MMP11: variants seen among roughly 807,000 people sequenced by gnomAD.
The protein encoded by MMP11 is stromelysin-3.
MMP11 carries 26 observed loss-of-function variants against 49.5 expected under a neutral mutation model. The observed-to-expected ratio is 0.52, with a 90% CI of 0.38 to 0.73. The LOEUF is 0.73. Ranked by LOEUF, MMP11 falls within the 30% of genes least tolerant of loss-of-function variation. The pLI is 0.00. For missense variants in MMP11, 624 were observed against 671.2 expected, an observed-to-expected ratio of 0.93 and a Z score of 0.78; for synonymous variants, 265 against 282.3, an observed-to-expected ratio of 0.94 and a Z score of 0.62.
Position 23,782,496 on chromosome 22 carries a change from T to C in MMP11, c.1333+13T>C, listed in dbSNP as rs754267422. ...CAGGATGCTGATGGTGCGTTGGGGG[T>C]GAGGCAGCTGGTGGGAGGTGGGCAC... is the stretch of plus-strand genomic sequence containing the variant. On this transcript the variant is annotated intron_variant, in intron 7 of 7. Transcript: ENST00000215743. 3 of 1,595,748 alleles carry C rather than the reference T, an allele frequency of 1.9e-6. No homozygotes were observed. In the African/African-American group the frequency reaches 4.0e-5, roughly 21 times the overall value.
Position 23,780,309 on chromosome 22 carries a change from A to G in MMP11, c.339-50A>G. The G allele has an allele frequency of 1.9e-6, 3 of 1,610,794 alleles. No homozygotes were observed. The highest frequency in any genetic ancestry group is 2.5e-6 in the Non-Finnish European group (3 of 1,179,398). ...AGGGGCAACTCCTGGTGCCTCAGCC[A>G]TCGGGGGCTGTCCCTTCCCTGAGGC... On this transcript the variant is annotated intron_variant, in intron 2 of 7. Transcript: ENST00000215743. The surrounding 1 kb of genome is among the most constrained non-coding windows in gnomAD (Gnocchi z 4.6).
At chr22:23,774,328 G>A (rs1306419925) in intron 1 of MMP11, among the ~76,000 whole-genome samples, 1 of 152,188 alleles carries the variant, frequency 6.6e-6, no homozygotes, top group East Asian at 1.9e-4. Context: ...CAGTGCTGGA[G>A]CTGGGGGCCA....
chr22:23,775,228 G>A (rs1454446719), intron 1 of MMP11, among the ~76,000 whole-genome samples: 1 of 152,242 alleles, frequency 6.6e-6, no homozygotes, highest in Non-Finnish European at 1.5e-5. Context: ...CCCGGGCAAA[G>A]TCCTTGAGCT....
At chr22:23,775,760 T>C (rs997377438) in intron 1 of MMP11, among the ~76,000 whole-genome samples, 1 of 152,160 alleles carries the variant, frequency 6.6e-6, no homozygotes, top group Non-Finnish European at 1.5e-5. Context: ...AGCCTGAAGA[T>C]TTTGTTGGGT....
rs28382575 is a variant in MMP11, at chr22:23,783,502, T to C, written c.1425T>C (p.Pro475=). 0.012 allele frequency: 20,177 copies of C among 1,614,212 alleles called. 645 individuals carry two copies. Among genetic ancestry groups the C allele is most frequent in the South Asian group, 0.098 (8,916 of 91,084 alleles). Residue 475 remains proline, a synonymous_variant, in exon 8 of 8, where the codon CCT becomes CCC. Coordinates refer to ENST00000215743, the MANE Select transcript of MMP11 (RefSeq NM_005940.5). ...AAGGCTTCCCCCGTCTCGTGGGTCCTGACTTCTTTGGCTGTGCCGAGCCTG... is the reference window on the plus strand; with the variant it reads ...AAGGCTTCCCCCGTCTCGTGGGTCCCGACTTCTTTGGCTGTGCCGAGCCTG... ...ALEGFPRLVG[P]DFFGCAEPAN...
rs1321164850 is a variant in MMP11, at chr22:23,781,299, G to T, written c.965G>T (p.Gly322Val). 1 of 1,612,628 alleles carries T rather than the reference G, an allele frequency of 6.2e-7. No homozygotes were observed. The highest frequency in any genetic ancestry group is 1.7e-5 in the Admixed American group (1 of 60,022). Residue 322 changes from glycine to valine, a missense_variant, in exon 6 of 8, where the codon GGC becomes GTC. By Grantham distance (109) the Gly-to-Val change is moderately radical (BLOSUM62 -3). Coordinates refer to ENST00000215743, the MANE Select transcript of MMP11 (RefSeq NM_005940.5). The stretch of plus-strand genomic sequence containing the variant: ...GGCTTTGTGTGGCGCCTCCGTGGGG[G>T]CCAGCTGCAGCCCGGCTACCCAGCA... The part of the protein sequence containing the change: ...KAGFVWRLRG[G>V]QLQPGYPALA...
At chr22:23,774,233 G>GTGTC (rs1927333019) in intron 1 of MMP11, among the ~76,000 whole-genome samples, 1 of 152,174 alleles carries the variant, frequency 6.6e-6, no homozygotes. Flanking sequence ...GCCTACTGCT[G>GTGTC]TGTCCACTGT....
Position 23,780,067 on chromosome 22 carries a change from G to T in MMP11, c.339-292G>T, listed in dbSNP as rs1249642008. On this transcript the variant is annotated intron_variant, in intron 2 of 7. Transcript: ENST00000215743. The surrounding 1 kb of genome is among the most constrained non-coding windows in gnomAD (Gnocchi z 4.6). ...ACCAACAGGGGCTCAAGGAACCAAG[G>T]TGTCCCCACAGTAAGTGGCACTGTC... The T allele has an allele frequency of 2.2e-6, 1 of 459,448 alleles. No individual in the cohort carries two copies. Among genetic ancestry groups the T allele is most frequent in the Non-Finnish European group, 4.0e-6 (1 of 252,672 alleles). 28.5% of individuals were successfully genotyped at this position (459,448 alleles called of 1,614,324 possible).
intron 7 of MMP11, chr22:23,782,705 T>G: frequency 1.6e-6 from 1 of 612,784 alleles, no homozygotes. Flanking sequence ...CTTACCCTGG[T>G]TTTTCAGCCA....
In MMP11 at chr22:23,777,032, C is replaced by T. The variant is rs573675957; in HGVS notation, c.109-2155C>T. ...CCGTGTTAGCCAGGATGGTCTCGAT[C>T]TCCTGACCTCATGATCCGCCTGCCT... On this transcript the variant is annotated intron_variant, in intron 1 of 7. Transcript: ENST00000215743. 2.0e-4 allele frequency among the ~76,000 whole-genome samples: 30 copies of T among 150,892 alleles called. 2 individuals carry two copies. The South Asian group carries it at 6.3e-3, about 32-fold the overall frequency.
chr22:23,774,266 C>G (rs958509565), intron 1 of MMP11, among the ~76,000 whole-genome samples: 1 of 152,184 alleles, frequency 6.6e-6, no homozygotes, highest in African/African-American at 2.4e-5. Flanking sequence ...TGATGCCAGG[C>G]TCACTAGAAA....
intron 7 of MMP11, 44 bp downstream of exon 7, chr22:23,782,527 C>G: frequency 6.4e-7 from 1 of 1,559,824 alleles, no homozygotes; most frequent in African/African-American, 1.4e-5. Context: ...GGCACAGCAG[C>G]CGCTTCTCCC....
intron 6 of MMP11, 57 bp downstream of exon 6, chr22:23,781,466 C>A: frequency 6.8e-7 from 1 of 1,476,942 alleles, no homozygotes; most frequent in Non-Finnish European, 9.2e-7. Context: ...AATGTTATGG[C>A]CAAGGGCAGG....
chr22:23,780,746 G>T lies in MMP11; in HGVS notation c.616+31G>T. The T allele has an allele frequency of 6.5e-7, 1 of 1,547,642 alleles. No individual in the cohort carries two copies. On this transcript the variant is annotated intron_variant, in intron 4 of 7. Coordinates refer to ENST00000215743, the MANE Select transcript of MMP11 (RefSeq NM_005940.5). The surrounding 1 kb of genome is among the most constrained non-coding windows in gnomAD (Gnocchi z 4.6). Reference sequence around the variant, plus strand: ...GGCTGGGGACCCATTTTCCAGATGGGGCAACCGAAGATCATAAAGAATGGG... The same window carrying T: ...GGCTGGGGACCCATTTTCCAGATGGTGCAACCGAAGATCATAAAGAATGGG...
Position 23,780,108 on chromosome 22 carries a change from G to T in MMP11, c.339-251G>T. 1 of 561,094 alleles carries T rather than the reference G, an allele frequency of 1.8e-6. No individual in the cohort carries two copies. The highest frequency in any genetic ancestry group is 2.2e-5 in the South Asian group (1 of 45,330). The allele number at this position is 561,094 out of a possible 1,614,324, so 34.8% of individuals were successfully genotyped here. ...TGGCACTGTCAGGTCTAGGATGGGG[G>T]TCTCGGGACCCCTGGTCCTGGTTCT... is the stretch of plus-strand genomic sequence containing the variant. On this transcript the variant is annotated intron_variant, in intron 2 of 7. Coordinates refer to ENST00000215743, the MANE Select transcript of MMP11 (RefSeq NM_005940.5). This position sits in a 1 kb window ranked among gnomAD's most constrained non-coding sequence, Gnocchi z 4.6.
chr22:23,774,144 C>T (rs1927329251), intron 1 of MMP11, among the ~76,000 whole-genome samples: 1 of 152,162 alleles, frequency 6.6e-6, no homozygotes, highest in South Asian at 2.1e-4. Context: ...AACCATGTGA[C>T]CCTGGGTGAA....
In MMP11 at chr22:23,782,153, T is replaced by A. The variant is rs1208748004; in HGVS notation, c.1076-73T>A. 1.3e-5 allele frequency: 21 copies of A among 1,563,126 alleles called. No homozygotes were observed. The East Asian group carries it at 4.1e-4, about 30-fold the overall frequency. On this transcript the variant is annotated intron_variant, in intron 6 of 7. Transcript: ENST00000215743. ...AGGCTGGGAGAGTCTGTGGTAGGGG[T>A]CAAGCAGGTCCACAGTGGCGGGGCA...
chr22:23,780,892 T>C lies in MMP11; in HGVS notation c.650T>C (p.Phe217Ser). ...TDLLQVAAHE[F>S]GHVLGLQHTT... ...CTGCTGCAGGTGGCAGCCCATGAAT[T>C]TGGCCACGTGCTGGGGCTGCAGCAC... The change falls in exon 5 of 8, where the codon TTT (phenylalanine) becomes TCT (serine). Residue 217 changes from phenylalanine (F) to serine (S), a missense_variant. Transcript: ENST00000215743. This position sits in a 1 kb window ranked among gnomAD's most constrained non-coding sequence, Gnocchi z 4.6. The C allele has an allele frequency of 6.2e-7, 1 of 1,613,940 alleles. No individual in the cohort carries two copies. Among genetic ancestry groups the C allele is most frequent in the South Asian group, 1.1e-5 (1 of 91,080 alleles).
intron 1 of MMP11, chr22:23,777,919 G>A (rs1325647843): frequency 6.6e-6 from 1 of 152,282 alleles, no homozygotes; most frequent in Non-Finnish European, 1.5e-5. Context: ...ATGGTGGGGT[G>A]TTCTTGATGC....
Sources: gnomAD v4.1 joint callset for allele counts (sites outside exome capture counted in the v4.1 genomes callset) on GRCh38, gnomAD v4.1.1 for gene constraint, Gnocchi (gnomAD v3.1) non-coding constraint, MANE v1.5 for transcripts, NCBI Gene and HGNC (gene_info 2026-07-23, HGNC 2026-07-21) for gene names.